Variants in ATAD5 observed in about 807,000 individuals in gnomAD.
The protein encoded by ATAD5 is ATPase family AAA domain containing 5.
ATAD5 carries 58 observed loss-of-function variants against 176.9 expected under a neutral mutation model. That is an observed-to-expected ratio of 0.33 (90% CI 0.27 to 0.41). The LOEUF (loss-of-function observed/expected upper bound fraction) is 0.41, where lower values mean the gene tolerates loss of function less well. Among genes scored for constraint, ATAD5 ranks in the 10% least tolerant of loss-of-function variants. The pLI is 1.00. For missense variants in ATAD5, 1,789 were observed against 2,094.1 expected (o/e 0.85, Z 2.84); for synonymous variants, 640 against 712.6 (o/e 0.90, Z 1.62).
intron 15 of ATAD5, 55 bp downstream of exon 15, chr17:30,876,605 C>A: frequency 8.9e-7 from 1 of 1,118,592 alleles, no homozygotes; most frequent in Non-Finnish European, 1.2e-6. Flanking sequence ...ACCCTTATAC[C>A]TAAAAATGTG....
Position 30,894,501 on chromosome 17 carries a change from T to C in ATAD5, c.5298-63T>C, listed in dbSNP as rs1909812257. On this transcript the variant is annotated intron_variant, in intron 21 of 22. Transcript: ENST00000321990. The stretch of plus-strand genomic sequence containing the variant: ...AGAGGCAAGGAAACTAAACTGGTTG[T>C]GATTGGGATTACTGCATTTTTCTTG... The C allele has an allele frequency of 7.3e-6, 11 of 1,498,024 alleles. No homozygotes were observed. The South Asian group carries it at 1.3e-4, about 17-fold the overall frequency. 92.8% of individuals were successfully genotyped at this position (1,498,024 alleles called of 1,614,324 possible).
intron 4 of ATAD5, 113 bp downstream of exon 4, chr17:30,840,894 G>C (rs771385933): frequency 1.9e-6 from 2 of 1,041,564 alleles, no homozygotes; most frequent in Non-Finnish European, 2.7e-6. Context: ...GCTTGAAGTG[G>C]TAGAGAGAAT....
Position 30,893,415 on chromosome 17 carries a change from C to G in ATAD5, c.4562C>G (p.Thr1521Ser), listed in dbSNP as rs752134027. The change falls in exon 21 of 23, where the codon ACC (threonine) becomes AGC (serine). Residue 1521 changes from threonine (T) to serine (S), a missense_variant. Around this residue, in one of 6 missense-constraint regions of ATAD5, gnomAD observed 403 missense variants for 495.1 expected, o/e 0.81. Coordinates refer to ENST00000321990, the MANE Select transcript of ATAD5 (RefSeq NM_024857.5). ...LEFILPLPVD[T>S]IPETKNFCGP... The stretch of plus-strand genomic sequence containing the variant: ...TTTATTCTACCATTACCAGTTGATA[C>G]CATTCCAGAAACTAAAAACTTTTGT... The G allele has an allele frequency of 2.5e-6, 4 of 1,613,402 alleles. No individual in the cohort carries two copies. The highest frequency in any genetic ancestry group is 3.3e-4 in the Middle Eastern group (2 of 6,062).
At chr17:30,849,531 A>AT (rs1906740603) in intron 6 of ATAD5, among the ~76,000 whole-genome samples, 2 of 152,006 alleles carry the variant, frequency 1.3e-5, no homozygotes, top group African/African-American at 4.8e-5. Flanking sequence ...CATAGTTTTA[A>AT]TTTTCATTTT....
chr17:30,882,595 GA>G (rs113700654), intron 18 of ATAD5, among the ~76,000 whole-genome samples: 4 of 146,756 alleles, frequency 2.7e-5, no homozygotes, highest in African/African-American at 9.9e-5. Flanking sequence ...GGAAGAAAAA[GA>G]AAAAAAAAAC....
intron 18 of ATAD5, among the ~76,000 whole-genome samples, chr17:30,886,172 CTT>C (rs910083843): frequency 7.3e-6 from 1 of 136,738 alleles, no homozygotes; most frequent in Non-Finnish European, 1.6e-5. Flanking sequence ...TAACTTTTTT[CTT>C]TTTTTTTTTT....
Position 30,834,175 on chromosome 17 carries a change from G to T in ATAD5, c.94G>T (p.Asp32Tyr). The change falls in exon 2 of 23, where the codon GAC (aspartate) becomes TAC (tyrosine). Residue 32 changes from aspartate (D) to tyrosine (Y), a missense_variant. By Grantham distance (160) the Asp-to-Tyr change is radical. This residue lies in a region of ATAD5 where 696 missense variants were observed against 712.5 expected (regional missense o/e 0.98). Coordinates refer to ENST00000321990, the MANE Select transcript of ATAD5 (RefSeq NM_024857.5). ...ATGCAAAAAGCGAAAGAAAGATGAT[G>T]ACACATCTACCTGCAAAACAATTAC... ...EPCKKRKKDDDTSTCKTITKY... is the reference protein window; with the variant it reads ...EPCKKRKKDDYTSTCKTITKY... 1 of 1,570,028 alleles carries T rather than the reference G, an allele frequency of 6.4e-7. No homozygotes were observed. The highest frequency in any genetic ancestry group is 8.6e-7 in the Non-Finnish European group (1 of 1,163,348).
At chr17:30,879,791 T>C (rs550374792) in intron 18 of ATAD5, among the ~76,000 whole-genome samples, 41 of 152,084 alleles carry the variant, frequency 2.7e-4, no homozygotes, top group Middle Eastern at 6.8e-3. Flanking sequence ...CTTGATTTCC[T>C]GACCTTGTGA....
chr17:30,878,738 T>TTG (rs1908833732), intron 17 of ATAD5, among the ~76,000 whole-genome samples: 1 of 125,040 alleles, frequency 8.0e-6, no homozygotes, highest in African/African-American at 3.0e-5. Context: ...TTTTTTTTTT[T>TTG]TTTTTTTTTT....
At chr17:30,843,880 T>C in intron 4 of ATAD5, 33 bp from the exon 5 acceptor site, 1 of 1,169,140 alleles carries the variant, frequency 8.6e-7, no homozygotes, top group African/African-American at 1.6e-5. Context: ...ATTATATGAT[T>C]TAATTAAAAT....
At chr17:30,858,042 C>A in intron 8 of ATAD5, 119 bp from the exon 9 acceptor site, 1 of 931,234 alleles carries the variant, frequency 1.1e-6, no homozygotes, top group Non-Finnish European at 1.5e-6. Context: ...CCACGCCCGG[C>A]CTAAAGCTAA....
In ATAD5 at chr17:30,858,066, C is replaced by A. The variant is rs1476302071; in HGVS notation, c.2794-95C>A. The A allele has an allele frequency of 3.5e-6, 4 of 1,157,416 alleles. No homozygotes were observed. The East Asian group carries it at 1.1e-4, about 32-fold the overall frequency. 71.7% of individuals were successfully genotyped at this position (1,157,416 alleles called of 1,614,324 possible). Reference sequence around the variant, plus strand: ...GCCTAAAGCTAATCTTACGTTGATACTGATTTATGATGGACAGAAAGTGGT... The same window carrying A: ...GCCTAAAGCTAATCTTACGTTGATAATGATTTATGATGGACAGAAAGTGGT... On this transcript the variant is annotated intron_variant, in intron 8 of 22. Coordinates refer to ENST00000321990, the MANE Select transcript of ATAD5 (RefSeq NM_024857.5).
rs1191228830 is a variant in ATAD5, at chr17:30,858,172, A to T, written c.2805A>T (p.Thr935=). 1 of 1,560,562 alleles carries T rather than the reference A, an allele frequency of 6.4e-7. No homozygotes were observed. Among genetic ancestry groups the T allele is most frequent in the Non-Finnish European group, 8.7e-7 (1 of 1,155,802 alleles). Residue 935 remains threonine, a synonymous_variant, in exon 9 of 23, where the codon ACA becomes ACT. Coordinates refer to ENST00000321990, the MANE Select transcript of ATAD5 (RefSeq NM_024857.5). The stretch of plus-strand genomic sequence containing the variant: ...ATTCTTTATTGCAGTTCATGAGGAC[A>T]AGGAAGGAATTTACTGAAGAAGTAA... ...SGNSAAVFMR[T]RKEFTEEVRN... is the part of the protein sequence containing the mutation.
rs1383788837 is a variant in ATAD5, at chr17:30,893,727, C to A, written c.4874C>A (p.Ser1625Tyr). Residue 1625 changes from serine to tyrosine, a missense_variant, in exon 21 of 23, where the codon TCT becomes TAT. Transcript: ENST00000321990. ...DKGNNPETKKSIPCPPKTTAG... is the reference protein window; with the variant it reads ...DKGNNPETKKYIPCPPKTTAG... ...GGAAACAATCCAGAGACAAAGAAAT[C>A]TATTCCTTGTCCTCCTAAAACAACT... 1.9e-6 allele frequency: 3 copies of A among 1,613,868 alleles called. No homozygotes were observed. Among genetic ancestry groups the A allele is most frequent in the Admixed American group, 1.7e-5 (1 of 59,984 alleles).
intron 19 of ATAD5, among the ~76,000 whole-genome samples, chr17:30,889,605 T>G (rs1056628809): frequency 1.3e-5 from 2 of 151,788 alleles, no homozygotes. Flanking sequence ...TATTTCTTAT[T>G]TTTTTTCAGT....
At chr17:30,851,473 G>T (rs1229292525) in intron 6 of ATAD5, among the ~76,000 whole-genome samples, 2 of 148,784 alleles carry the variant, frequency 1.3e-5, no homozygotes, top group Non-Finnish European at 3.0e-5. Context: ...TCCAGCCTGG[G>T]CAACAGAGCA....
intron 17 of ATAD5, among the ~76,000 whole-genome samples, chr17:30,878,718 GTTTTTTTTTTTTT>G (rs71142005): frequency 4.4e-4 from 25 of 56,876 alleles, no homozygotes; most frequent in South Asian, 3.6e-3. Context: ...GTTAGGTGGT[GTTTTTTTTTTTTT>G]TTTTTTTTTT....
At chr17:30,877,008 C>T (rs1251241105) in intron 15 of ATAD5, among the ~76,000 whole-genome samples, 4 of 151,770 alleles carry the variant, frequency 2.6e-5, no homozygotes, top group African/African-American at 9.7e-5. Context: ...TGAGCCACCA[C>T]GCCCAGCTTG....
intron 10 of ATAD5, among the ~76,000 whole-genome samples, chr17:30,863,663 G>GGTT (rs1907791984): frequency 1.0e-5 from 1 of 99,146 alleles, no homozygotes; most frequent in Non-Finnish European, 1.9e-5. Flanking sequence ...ACCGCGTCCG[G>GGTT]CTTTTTTTTT....
Sources: allele counts gnomAD v4.1 joint callset (sites outside exome capture counted in the v4.1 genomes callset), GRCh38; gene constraint gnomAD v4.1.1; regional missense constraint gnomAD v4.1.1; transcripts MANE v1.5; gene names NCBI Gene and HGNC (gene_info 2026-07-23, HGNC 2026-07-21).